Variants in BIRC3 observed in about 807,000 individuals in gnomAD.
BIRC3 encodes the protein baculoviral IAP repeat containing 3.
In BIRC3, 26 loss-of-function variants were observed where a neutral mutation model predicts 59.0. That is an observed-to-expected ratio of 0.44 (90% CI 0.32 to 0.61). The LOEUF is 0.61. BIRC3 is among the 20% of genes least tolerant of loss of function. BIRC3 has a pLI of 0.04. For synonymous variants in BIRC3, 243 were observed against 249.2 expected (o/e 0.98, Z 0.24); for missense variants, 641 against 711.5 (o/e 0.90, Z 1.13).
intron 1 of BIRC3, among the ~76,000 whole-genome samples, chr11:102,320,673 T>C (rs1009165494): frequency 3.3e-5 from 5 of 152,246 alleles, no homozygotes; most frequent in Non-Finnish European, 7.3e-5. Flanking sequence ...TCTCAAAACA[T>C]ATGTCCTTTT....
In BIRC3 at chr11:102,322,247, G is replaced by C. The variant is rs776841389; in HGVS notation, c.-2263G>C. On this transcript the variant is annotated 5_prime_UTR_variant, in exon 2 of 9. Transcript: ENST00000263464. ...ATGAGTGACAGTTATTTGGAACAAA[G>C]AGCTAATAATCAATCCACTGCAAAT... The C allele has an allele frequency of 2.9e-5, 6 of 207,294 alleles. No homozygotes were observed. Among genetic ancestry groups the C allele is most frequent in the Non-Finnish European group, 4.9e-5 (5 of 101,682 alleles). 12.8% of individuals were successfully genotyped at this position (207,294 alleles called of 1,614,324 possible).
chr11:102,336,293 C>T (rs7124969), intron 7 of BIRC3, 73 bp downstream of exon 7: 918,357 of 1,440,212 alleles, frequency 0.64, 295,156 homozygotes, highest in African/African-American at 0.84. Context: ...TAATTTATGA[C>T]TACTGAAAAT....
chr11:102,332,820 T>C (rs992647434), intron 6 of BIRC3, among the ~76,000 whole-genome samples: 1 of 152,108 alleles, frequency 6.6e-6, no homozygotes, highest in Non-Finnish European at 1.5e-5. Flanking sequence ...ACGGTTAACC[T>C]TTGCCCAGCC....
At chr11:102,330,318 G>A (rs1410383663) in intron 5 of BIRC3, among the ~76,000 whole-genome samples, 1 of 152,206 alleles carries the variant, frequency 6.6e-6, no homozygotes, top group African/African-American at 2.4e-5. Context: ...AATCAGGGAA[G>A]CAGGCCAGCT....
intron 6 of BIRC3, among the ~76,000 whole-genome samples, chr11:102,333,527 C>T (rs1335225093): frequency 1.3e-5 from 2 of 151,106 alleles, no homozygotes; most frequent in Non-Finnish European, 2.9e-5. Flanking sequence ...TGATCATATG[C>T]CACTGCATTC....
chr11:102,319,281 C>T (rs1007742562), intron 1 of BIRC3, among the ~76,000 whole-genome samples: 12 of 151,796 alleles, frequency 7.9e-5, no homozygotes, highest in Non-Finnish European at 1.5e-4. Flanking sequence ...CTCCTGACCT[C>T]GTGATCCACT....
chr11:102,322,866 G>A lies in BIRC3; in HGVS notation c.-1644G>A, dbSNP rs1465030091. ...TCGACTCAGAACCTCTTTACTAATG[G>A]CTAGTAAATCATAATTGAGAAATTC... On this transcript the variant is annotated 5_prime_UTR_variant, in exon 2 of 9. Transcript: ENST00000263464. 3 of 208,948 alleles carry A rather than the reference G, an allele frequency of 1.4e-5. No homozygotes were observed. Among genetic ancestry groups the A allele is most frequent in the Non-Finnish European group, 2.9e-5 (3 of 103,350 alleles). The allele number at this position is 208,948 out of a possible 1,614,324, so 12.9% of individuals were successfully genotyped here.
chr11:102,336,906 T>C lies in BIRC3; in HGVS notation c.1622-3T>C, dbSNP rs1469981186. On this transcript the variant is annotated splice_region_variant and splice_polypyrimidine_tract_variant and intron_variant, in intron 8 of 8. Coordinates refer to ENST00000263464, the MANE Select transcript of BIRC3 (RefSeq NM_001165.5). ...TTTATTAAAAATTCTTTCCTCTTTC[T>C]AGATCTACCAGTGGAAGAACAATTG... 2.5e-6 allele frequency: 4 copies of C among 1,595,508 alleles called. No homozygotes were observed. In the Admixed American group the frequency reaches 5.6e-5, roughly 22 times the overall value.
At position 102,328,092 on chromosome 11, in the gene BIRC3, C is replaced by T. The variant is rs200082566; in HGVS notation, c.994C>T (p.Arg332Cys). The T allele has an allele frequency of 5.2e-5, 83 of 1,609,034 alleles. No homozygotes were observed. The Admixed American group carries it at 7.6e-4, about 15-fold the overall frequency. The part of the protein sequence containing the change: ...LIRIKGQEFI[R>C]QVQASYPHLL... ...AAGAATTAAAGGACAGGAGTTCATCCGTCAAGTTCAAGCCAGTTACCCTCA... is the reference window on the plus strand; with the variant it reads ...AAGAATTAAAGGACAGGAGTTCATCTGTCAAGTTCAAGCCAGTTACCCTCA... Residue 332 changes from arginine to cysteine, a missense_variant, in exon 4 of 9, where the codon CGT becomes TGT. Physicochemically the swap from Arg to Cys is radical, Grantham distance 180. This residue lies in a region of BIRC3 where 268 missense variants were observed against 255.7 expected (regional missense o/e 1.05). Coordinates refer to ENST00000263464, the MANE Select transcript of BIRC3 (RefSeq NM_001165.5).
intron 3 of BIRC3, 75 bp from the exon 4 acceptor site, chr11:102,327,977 G>A (rs541980478): frequency 2.0e-5 from 24 of 1,195,182 alleles, no homozygotes; most frequent in Non-Finnish European, 2.6e-5. Flanking sequence ...ACCTAGAGAT[G>A]AGAAATTTAT....
chr11:102,318,121 T>A (rs1388253623), intron 1 of BIRC3, among the ~76,000 whole-genome samples: 1 of 152,230 alleles, frequency 6.6e-6, no homozygotes, highest in Admixed American at 6.5e-5. Context: ...ATTGACTTTA[T>A]TTGCTATTAT....
intron 1 of BIRC3, among the ~76,000 whole-genome samples, chr11:102,318,309 G>A (rs1950994704): frequency 6.6e-6 from 1 of 152,132 alleles, no homozygotes. Context: ...TCATGCTTCT[G>A]GTTACCGGAC....
intron 1 of BIRC3, among the ~76,000 whole-genome samples, chr11:102,318,768 A>T: frequency 6.6e-6 from 1 of 152,164 alleles, no homozygotes; most frequent in East Asian, 1.9e-4. Flanking sequence ...TGAAAGAAGA[A>T]TCCCAAGAGC....
rs1000216597 is a variant in BIRC3 at position 102,339,222 on chromosome 11, A to G, written c.*2120A>G. On this transcript the variant is annotated 3_prime_UTR_variant, in exon 9 of 9. Transcript: ENST00000263464. ...TTTTGCACCATGTGTTTTTTTTTTT[A>G]TCTAGTTCTTGTATACTACAGATAA... is the stretch of plus-strand genomic sequence containing the variant. The G allele has an allele frequency of 1.2e-5, 2 of 164,952 alleles. No homozygotes were observed. Among genetic ancestry groups the G allele is most frequent in the Non-Finnish European group, 2.4e-5 (2 of 82,384 alleles). 10.2% of individuals were successfully genotyped at this position (164,952 alleles called of 1,614,324 possible).
chr11:102,327,485 C>T (rs1276486270), intron 3 of BIRC3, among the ~76,000 whole-genome samples: 1 of 151,834 alleles, frequency 6.6e-6, no homozygotes, highest in East Asian at 1.9e-4. Flanking sequence ...ACTAAAAATG[C>T]AAAAATTAGC....
intron 6 of BIRC3, among the ~76,000 whole-genome samples, chr11:102,332,190 A>G (rs992104681): frequency 1.6e-4 from 24 of 152,184 alleles, no homozygotes; most frequent in Non-Finnish European, 4.4e-5. Flanking sequence ...TTCTGGGCAC[A>G]TACATTCTCA....
Position 102,328,922 on chromosome 11 carries a change from G to A in BIRC3, c.1058G>A (p.Gly353Glu). The change falls in exon 5 of 9, where the codon GGA (glycine) becomes GAA (glutamate). Residue 353 changes from glycine (G) to glutamate (E), a missense_variant. By Grantham distance (98) the Gly-to-Glu change is moderately conservative. Transcript: ENST00000263464. ...CTGCTATCCACATCAGACAGCCCAG[G>A]AGATGAAAATGCAGAGTCATCAAGT... ...EQLLSTSDSP[G>E]DENAESSIIH... 1 of 1,442,210 alleles carries A rather than the reference G, an allele frequency of 6.9e-7. No individual in the cohort carries two copies. The highest frequency in any genetic ancestry group is 1.6e-5 in the South Asian group (1 of 63,724). The allele number at this position is 1,442,210 out of a possible 1,614,324, so 89.3% of individuals were successfully genotyped here.
At chr11:102,328,192 C>G (rs536026379) in intron 4 of BIRC3, 62 bp downstream of exon 4, 2 of 1,233,514 alleles carry the variant, frequency 1.6e-6, no homozygotes, top group Non-Finnish European at 2.4e-6. Flanking sequence ...CTGATAATTA[C>G]AGAGAGTGCT....
chr11:102,337,238 T>A lies in BIRC3; in HGVS notation c.*136T>A. The A allele has an allele frequency of 5.0e-6, 3 of 596,644 alleles. No individual in the cohort carries two copies. The highest frequency in any genetic ancestry group is 5.2e-6 in the Non-Finnish European group (2 of 384,962). The allele number at this position is 596,644 out of a possible 1,614,324, so 37.0% of individuals were successfully genotyped here. ...AAAAACATTGTTTTGTGTAACATAT[T>A]TATATATGTATCTAAACCATATGAA... On this transcript the variant is annotated 3_prime_UTR_variant, in exon 9 of 9. Transcript: ENST00000263464.
Sources: gnomAD v4.1 joint callset for allele counts (sites outside exome capture counted in the v4.1 genomes callset) on GRCh38, gnomAD v4.1.1 for gene constraint, gnomAD v4.1.1 regional missense constraint, MANE v1.5 for transcripts, NCBI Gene and HGNC (gene_info 2026-07-23, HGNC 2026-07-21) for gene names.